MECOM: variants seen among roughly 807,000 people sequenced by gnomAD.
MECOM encodes MDS1 and EVI1 complex locus.
A neutral mutation model predicts 116.3 loss-of-function variants in MECOM; 13 were observed. The ratio of observed to expected loss-of-function variants is 0.11; its 90% CI spans 0.07 to 0.18. The LOEUF (loss-of-function observed/expected upper bound fraction) is 0.18, where lower values mean the gene tolerates loss of function less well. Among genes scored for constraint, MECOM ranks in the 10% least tolerant of loss-of-function variants. MECOM has a pLI of 1.00. For synonymous variants in MECOM, 528 were observed against 535.2 expected, an observed-to-expected ratio of 0.99 and a Z score of 0.19; for missense variants, 1,299 against 1,509.0, an observed-to-expected ratio of 0.86 and a Z score of 2.31.
At chr3:169,144,220 TA>T (rs1425780134) in intron 2 of MECOM, among the ~76,000 whole-genome samples, 1 of 147,378 alleles carries the variant, frequency 6.8e-6, no homozygotes, top group Non-Finnish European at 1.5e-5. Flanking sequence ...TGTAAGCATA[TA>T]TTTTCACATT....
intron 2 of MECOM, among the ~76,000 whole-genome samples, chr3:169,223,902 C>T (rs1292229927): frequency 6.6e-6 from 1 of 152,162 alleles, no homozygotes; most frequent in Non-Finnish European, 1.5e-5. Context: ...GGTGGAACCT[C>T]CTGTAGGTTA....
chr3:169,155,240 T>C (rs1741777595), intron 2 of MECOM, among the ~76,000 whole-genome samples: 1 of 152,142 alleles, frequency 6.6e-6, no homozygotes, highest in Non-Finnish European at 1.5e-5. Flanking sequence ...TTTTCAGGGA[T>C]TTAGAAAGGA....
At chr3:169,362,316 A>G (rs1199773087) in intron 2 of MECOM, among the ~76,000 whole-genome samples, 1 of 151,954 alleles carries the variant, frequency 6.6e-6, no homozygotes, top group Non-Finnish European at 1.5e-5. Flanking sequence ...TGTAAGAGAC[A>G]GAATTCGAAG....
At chr3:169,304,204 C>A (rs1468902534) in intron 2 of MECOM, among the ~76,000 whole-genome samples, 2 of 152,186 alleles carry the variant, frequency 1.3e-5, no homozygotes, top group Non-Finnish European at 2.9e-5. Context: ...GTAATGACAG[C>A]CTTGATATTT....
chr3:169,195,600 G>T (rs1241287976), intron 2 of MECOM, among the ~76,000 whole-genome samples: 1 of 152,002 alleles, frequency 6.6e-6, no homozygotes, highest in Non-Finnish European at 1.5e-5. Context: ...CTGCTTAAGA[G>T]AAATTAATTG....
chr3:169,487,021 AATG>A (rs1752462148), intron 1 of MECOM, among the ~76,000 whole-genome samples: 1 of 152,118 alleles, frequency 6.6e-6, no homozygotes, highest in Admixed American at 6.6e-5. Context: ...TCATTAGAGA[AATG>A]ATATCTCATG....
At chr3:169,294,519 G>A (rs577277027) in intron 2 of MECOM, among the ~76,000 whole-genome samples, 3 of 152,136 alleles carry the variant, frequency 2.0e-5, no homozygotes, top group Non-Finnish European at 4.4e-5. Flanking sequence ...CTGCTCAAAT[G>A]TCCCCATTGT....
intron 1 of MECOM, among the ~76,000 whole-genome samples, chr3:169,661,958 G>T (rs1577346100): frequency 6.6e-6 from 1 of 152,312 alleles, no homozygotes; most frequent in East Asian, 1.9e-4. Context: ...CTCCAGCCCC[G>T]CCTATTGACA....
At chr3:169,297,169 A>T (rs770771622) in intron 2 of MECOM, among the ~76,000 whole-genome samples, 4 of 152,242 alleles carry the variant, frequency 2.6e-5, no homozygotes, top group Admixed American at 2.0e-4. Flanking sequence ...AAACAAACCA[A>T]AAATGCTAAA....
intron 1 of MECOM, among the ~76,000 whole-genome samples, chr3:169,594,892 C>A (rs57275965): frequency 0.22 from 26,882 of 121,462 alleles, 2,863 homozygotes; most frequent in South Asian, 0.38. Flanking sequence ...AAAAAAAAAA[C>A]AAAAAAAAAA....
At chr3:169,120,934 T>A in intron 7 of MECOM, 122 bp downstream of exon 7, 2 of 962,616 alleles carry the variant, frequency 2.1e-6, no homozygotes, top group Non-Finnish European at 3.0e-6. Context: ...CCCTACTGGA[T>A]TGGACCATAA....
chr3:169,441,503 T>C (rs921346180), intron 1 of MECOM, among the ~76,000 whole-genome samples: 2 of 152,032 alleles, frequency 1.3e-5, no homozygotes, highest in African/African-American at 4.8e-5. Context: ...ATAGAAAGAC[T>C]ATAGGAGACA....
chr3:169,353,036 C>T (rs1360817750), intron 2 of MECOM, among the ~76,000 whole-genome samples: 1 of 151,768 alleles, frequency 6.6e-6, no homozygotes, highest in African/African-American at 2.4e-5. Flanking sequence ...TTGATTTATC[C>T]CACGAGGCTA....
rs532669739 is a variant in MECOM at position 169,139,975 on chromosome 3, C to A, written c.510+3723G>T. Among the ~76,000 whole-genome samples, 34 of 145,016 alleles carry A rather than the reference C, an allele frequency of 2.3e-4. No individual in the cohort carries two copies. In the East Asian group the frequency reaches 6.3e-3, roughly 27 times the overall value. Reference sequence around the variant, plus strand: ...ACTAGTTTTCTTTAAAAAAAAAAAACAATATATCATGTAGATGTTTGGTTT... The same window carrying A: ...ACTAGTTTTCTTTAAAAAAAAAAAAAAATATATCATGTAGATGTTTGGTTT... On this transcript the variant is annotated intron_variant, in intron 3 of 16. Coordinates refer to ENST00000651503, the MANE Select transcript of MECOM (RefSeq NM_004991.4).
At chr3:169,180,349 C>A (rs950861081) in intron 2 of MECOM, among the ~76,000 whole-genome samples, 51 of 152,010 alleles carry the variant, frequency 3.4e-4, no homozygotes, top group African/African-American at 1.2e-3. Flanking sequence ...TATATATAGA[C>A]ACACACAAAT....
intron 6 of MECOM, among the ~76,000 whole-genome samples, chr3:169,121,537 T>C (rs1577034720): frequency 6.6e-6 from 1 of 152,282 alleles, no homozygotes; most frequent in East Asian, 1.9e-4. Context: ...TAAGCCATTA[T>C]TAAAACTGGT....
At chr3:169,219,045 G>C (rs973927341) in intron 2 of MECOM, among the ~76,000 whole-genome samples, 5 of 152,052 alleles carry the variant, frequency 3.3e-5, no homozygotes, top group Admixed American at 6.5e-5. Context: ...TGGGCTTTTT[G>C]CAACAACTAT....
At chr3:169,371,052 T>C (rs1221821566) in intron 2 of MECOM, among the ~76,000 whole-genome samples, 1 of 152,050 alleles carries the variant, frequency 6.6e-6, no homozygotes, top group Non-Finnish European at 1.5e-5. Flanking sequence ...CTCAATGAGA[T>C]GTCTGCACTC....
intron 2 of MECOM, among the ~76,000 whole-genome samples, chr3:169,234,924 C>T (rs1323648141): frequency 1.3e-5 from 2 of 152,136 alleles, no homozygotes; most frequent in Non-Finnish European, 2.9e-5. Flanking sequence ...TGGAAAACTC[C>T]TGTATTTTAG....
Sources: gnomAD v4.1 joint callset for allele counts (sites outside exome capture counted in the v4.1 genomes callset) on GRCh38, gnomAD v4.1.1 for gene constraint, MANE v1.5 for transcripts, NCBI Gene and HGNC (gene_info 2026-07-23, HGNC 2026-07-21) for gene names.